The following SNCAIP variants were observed in gnomAD, a reference collection of about 807,000 sequenced individuals.
The protein encoded by SNCAIP is synuclein alpha interacting protein.
A neutral mutation model predicts 86.7 loss-of-function variants in SNCAIP; 43 were observed. The ratio of observed to expected loss-of-function variants is 0.50; its 90% CI spans 0.39 to 0.64. The LOEUF is 0.64. SNCAIP is among the 30% of genes least tolerant of loss of function. The probability of loss-of-function intolerance (pLI) is 0.00; values close to 1 mark genes in which losing one functional copy is unlikely to be tolerated. For missense variants in SNCAIP, 981 were observed against 1,103.1 expected (o/e 0.89, Z 1.57); for synonymous variants, 417 against 427.2 (o/e 0.98, Z 0.29).
At chr5:122,319,241 A>C (rs1752450686) in intron 1 of SNCAIP, among the ~76,000 whole-genome samples, 1 of 151,944 alleles carries the variant, frequency 6.6e-6, no homozygotes, top group African/African-American at 2.4e-5. Flanking sequence ...AAAAAAAAAA[A>C]CTATGGAAAA....
chr5:122,445,746 G>GT (rs1179398460), intron 8 of SNCAIP, among the ~76,000 whole-genome samples: 21 of 146,918 alleles, frequency 1.4e-4, no homozygotes, highest in African/African-American at 4.8e-4. Flanking sequence ...AAAAACCTTG[G>GT]TTTTTTTCAC....
chr5:122,425,235 G>A lies in SNCAIP; in HGVS notation c.1003-117G>A. On this transcript the variant is annotated intron_variant, in intron 4 of 10. Coordinates refer to ENST00000261368, the MANE Select transcript of SNCAIP (RefSeq NM_005460.4). The stretch of plus-strand genomic sequence containing the variant: ...AGAAACTGATTTATTAGATCCCCAA[G>A]GCTGCCACCAGAGCTTCTATAAGCT... 3 of 813,142 alleles carry A rather than the reference G, an allele frequency of 3.7e-6. No homozygotes were observed. The South Asian group carries it at 4.1e-5, about 11-fold the overall frequency. The allele number at this position is 813,142 out of a possible 1,614,324, so 50.4% of individuals were successfully genotyped here. A position where few individuals can be genotyped will look rare whatever the true frequency, so the allele number is the denominator to read the frequency against.
At chr5:122,341,562 C>G (rs1757599428) in intron 1 of SNCAIP, among the ~76,000 whole-genome samples, 1 of 152,154 alleles carries the variant, frequency 6.6e-6, no homozygotes, top group Admixed American at 6.5e-5. Flanking sequence ...AAAATTAACC[C>G]AATCCCAGGC....
At chr5:122,330,975 C>G (rs1254323098) in intron 1 of SNCAIP, among the ~76,000 whole-genome samples, 1 of 151,874 alleles carries the variant, frequency 6.6e-6, no homozygotes, top group Non-Finnish European at 1.5e-5. Context: ...TAGATTCTCA[C>G]AAGGAGCGCA....
intron 1 of SNCAIP, among the ~76,000 whole-genome samples, chr5:122,353,972 C>G (rs1012304011): frequency 2.0e-5 from 3 of 152,074 alleles, no homozygotes; most frequent in African/African-American, 7.2e-5. Context: ...ATGAATTGCC[C>G]CAAATTATAC....
At chr5:122,352,993 C>T (rs542915084) in intron 1 of SNCAIP, among the ~76,000 whole-genome samples, 1 of 152,270 alleles carries the variant, frequency 6.6e-6, no homozygotes, top group Admixed American at 6.5e-5. Flanking sequence ...CTTTGATACA[C>T]GTACATACAA....
chr5:122,428,289 G>A (rs1280220402), intron 5 of SNCAIP, among the ~76,000 whole-genome samples: 1 of 152,028 alleles, frequency 6.6e-6, no homozygotes, highest in Admixed American at 6.6e-5. Context: ...CATAGACTTT[G>A]GCAGGCAAAA....
intron 2 of SNCAIP, among the ~76,000 whole-genome samples, chr5:122,398,593 C>T (rs536929634): frequency 8.5e-5 from 13 of 152,174 alleles, no homozygotes; most frequent in East Asian, 7.7e-4. Flanking sequence ...GAAAACTGTG[C>T]GAGAAATCAT....
chr5:122,344,065 C>T (rs956173161), intron 1 of SNCAIP, among the ~76,000 whole-genome samples: 3 of 152,210 alleles, frequency 2.0e-5, no homozygotes, highest in Non-Finnish European at 2.9e-5. Context: ...CTGTCTCTCT[C>T]ACTTACTTTA....
Position 122,462,094 on chromosome 5 carries a change from T to TA in SNCAIP, c.2755-1396dup, listed in dbSNP as rs1202062937. 5.9e-5 allele frequency among the ~76,000 whole-genome samples: 9 copies of TA among 152,374 alleles called. No individual in the cohort carries two copies. In the South Asian group the frequency reaches 6.2e-4, roughly 11 times the overall value. ...CACAGTTTTGTTTCTTGCTTTTTTTTATCTGACACGTTGGAGGACTTTATG... is the reference window on the plus strand; with the variant it reads ...CACAGTTTTGTTTCTTGCTTTTTTTTAATCTGACACGTTGGAGGACTTTATG... On this transcript the variant is annotated intron_variant, in intron 10 of 10. Transcript: ENST00000261368.
At position 122,312,987 on chromosome 5, in the gene SNCAIP, A is replaced by G. The variant is rs1750929973; in HGVS notation, c.-47+703A>G. ...ACATTTTGTTTATTTCATTTTTACG[A>G]AGAGAAAAGAGGGAAAATTATGAGC... is the stretch of plus-strand genomic sequence containing the variant. On this transcript the variant is annotated intron_variant, in intron 1 of 10. Transcript: ENST00000261368. 3 of 152,256 alleles carry G rather than the reference A, an allele frequency of 2.0e-5. No individual in the cohort carries two copies. In the South Asian group the frequency reaches 6.2e-4, roughly 32 times the overall value. 9.4% of individuals were successfully genotyped at this position (152,256 alleles called of 1,614,324 possible).
At position 122,379,675 on chromosome 5, in the gene SNCAIP, T is replaced by G. The variant is rs893211102; in HGVS notation, c.-46-11414T>G. 4.3e-3 allele frequency among the ~76,000 whole-genome samples: 661 copies of G among 152,070 alleles called. 6 individuals are homozygous for G. The highest frequency in any genetic ancestry group is 0.015 in the African/African-American group (631 of 41,458). On this transcript the variant is annotated intron_variant, in intron 1 of 10. Coordinates refer to ENST00000261368, the MANE Select transcript of SNCAIP (RefSeq NM_005460.4). The stretch of plus-strand genomic sequence containing the variant: ...CATTCAGTATGATATTGGCTGTGAG[T>G]TTGTCATAGATAGCTCTCATTATTT...
intron 1 of SNCAIP, among the ~76,000 whole-genome samples, chr5:122,347,395 CCTT>C (rs1227054047): frequency 7.3e-6 from 1 of 137,806 alleles, no homozygotes; most frequent in African/African-American, 2.9e-5. Flanking sequence ...TGATTTCTTT[CCTT>C]TTTTTTTTTT....
At chr5:122,318,847 G>A (rs1752351788) in intron 1 of SNCAIP, among the ~76,000 whole-genome samples, 1 of 152,054 alleles carries the variant, frequency 6.6e-6, no homozygotes, top group South Asian at 2.1e-4. Flanking sequence ...CATCAGAGAG[G>A]ATATTTAATA....
At chr5:122,444,985 G>T in intron 8 of SNCAIP, 1 of 507,236 alleles carries the variant, frequency 2.0e-6, no homozygotes, top group Non-Finnish European at 3.6e-6. Flanking sequence ...TTAAGCCAGT[G>T]GACAAGGCGA....
intron 1 of SNCAIP, among the ~76,000 whole-genome samples, chr5:122,342,335 C>T (rs60633938): frequency 0.16 from 24,695 of 151,920 alleles, 2,172 homozygotes; most frequent in South Asian, 0.3. Flanking sequence ...AGTCACTGCT[C>T]CCAGGGCACG....
At chr5:122,353,439 CAAA>C (rs60366701) in intron 1 of SNCAIP, among the ~76,000 whole-genome samples, 6 of 94,108 alleles carry the variant, frequency 6.4e-5, no homozygotes, top group Non-Finnish European at 4.7e-5. Flanking sequence ...CATAATTAAG[CAAA>C]AAAAAAAAAA....
rs149804626 is a variant in SNCAIP at position 122,313,473 on chromosome 5, G to T, written c.-47+1189G>T. 2.5e-3 allele frequency among the ~76,000 whole-genome samples: 374 copies of T among 152,362 alleles called. 3 individuals carry two copies. Among genetic ancestry groups the T allele is most frequent in the Non-Finnish European group, 4.0e-3 (270 of 68,030 alleles). On this transcript the variant is annotated intron_variant, in intron 1 of 10. Coordinates refer to ENST00000261368, the MANE Select transcript of SNCAIP (RefSeq NM_005460.4). ...GTCACTCTAAACACGTAATTTTCAA[G>T]CACTACTTTCGTTGCTGAATCTGTA...
chr5:122,379,952 T>C (rs1766314118), intron 1 of SNCAIP, among the ~76,000 whole-genome samples: 1 of 152,200 alleles, frequency 6.6e-6, no homozygotes, highest in Non-Finnish European at 1.5e-5. Context: ...CAGTATTTTA[T>C]TGAGGATTTT....
Sources: gnomAD v4.1 joint callset for allele counts (sites outside exome capture counted in the v4.1 genomes callset) on GRCh38, gnomAD v4.1.1 for gene constraint, MANE v1.5 for transcripts, NCBI Gene and HGNC (gene_info 2026-07-23, HGNC 2026-07-21) for gene names.